Variants in CNOT2 observed in about 807,000 individuals in gnomAD.
The protein encoded by CNOT2 is CC chemokine receptor 4-negative regulator of transcription 2.
A neutral mutation model predicts 72.1 loss-of-function variants in CNOT2; 7 were observed. The observed-to-expected ratio is 0.10, with a 90% confidence interval of 0.06 to 0.18. The LOEUF is 0.18. Among genes scored for constraint, CNOT2 ranks in the 10% least tolerant of loss-of-function variants. CNOT2 has a pLI of 1.00. For synonymous variants in CNOT2, 196 were observed against 225.6 expected (o/e 0.87, Z 1.17); for missense variants, 345 against 660.3 (o/e 0.52, Z 5.23).
At chr12:70,245,429 T>C (rs1037065421) in intron 1 of CNOT2, among the ~76,000 whole-genome samples, 5 of 152,208 alleles carry the variant, frequency 3.3e-5, no homozygotes, top group African/African-American at 1.2e-4. Flanking sequence ...CTGAAGTTTT[T>C]TTTGCATCTT....
rs1883223660 is a variant in CNOT2, at chr12:70,354,217, G to A, written c.*302G>A. On this transcript the variant is annotated 3_prime_UTR_variant, in exon 16 of 16. Transcript: ENST00000229195. Reference sequence around the variant, plus strand: ...GTCTGTAAAGACAAGCAAATACACTGACAGAAGTTTACCATAGTTTCTAAA... The same window carrying A: ...GTCTGTAAAGACAAGCAAATACACTAACAGAAGTTTACCATAGTTTCTAAA... 1 of 337,524 alleles carries A rather than the reference G, an allele frequency of 3.0e-6. No individual in the cohort carries two copies. Among genetic ancestry groups the A allele is most frequent in the Non-Finnish European group, 5.2e-6 (1 of 193,826 alleles). The allele number at this position is 337,524 out of a possible 1,614,324, so 20.9% of individuals were successfully genotyped here. A position where few individuals can be genotyped will look rare whatever the true frequency, so the allele number is the denominator to read the frequency against.
chr12:70,250,676 A>C (rs182607911), intron 1 of CNOT2, among the ~76,000 whole-genome samples: 69 of 152,296 alleles, frequency 4.5e-4, no homozygotes, highest in Non-Finnish European at 7.4e-5. Context: ...TGGAGGTATC[A>C]GTTGAGCAGA....
At chr12:70,261,834 A>ATTTT (rs768517174) in intron 1 of CNOT2, among the ~76,000 whole-genome samples, 7 of 139,186 alleles carry the variant, frequency 5.0e-5, no homozygotes, top group African/African-American at 1.8e-4. Context: ...TGGGCCTGAG[A>ATTTT]TTTTTTTTTT....
intron 1 of CNOT2, among the ~76,000 whole-genome samples, chr12:70,265,553 A>G (rs1448052721): frequency 1.3e-5 from 2 of 151,962 alleles, no homozygotes; most frequent in Non-Finnish European, 2.9e-5. Context: ...AGTCTGCCTT[A>G]GAGGTACATC....
At chr12:70,270,091 A>G (rs1959185784) in intron 1 of CNOT2, among the ~76,000 whole-genome samples, 2 of 152,154 alleles carry the variant, frequency 1.3e-5, no homozygotes, top group Admixed American at 1.3e-4. Context: ...AGGGCTCAGT[A>G]TTTTTGGAAG....
chr12:70,267,322 A>G (rs745497083), intron 1 of CNOT2, among the ~76,000 whole-genome samples: 1 of 152,136 alleles, frequency 6.6e-6, no homozygotes, highest in Non-Finnish European at 1.5e-5. Flanking sequence ...GTTGCCAGCA[A>G]TCGTGTTCCT....
At chr12:70,274,912 C>CAAA (rs1256578669) in intron 1 of CNOT2, among the ~76,000 whole-genome samples, 3 of 151,920 alleles carry the variant, frequency 2.0e-5, no homozygotes, top group South Asian at 4.1e-4. Context: ...CTCTGTTTAT[C>CAAA]CATTCACCTA....
chr12:70,292,687 G>A (rs1872129342), intron 2 of CNOT2, among the ~76,000 whole-genome samples: 1 of 152,186 alleles, frequency 6.6e-6, no homozygotes, highest in Non-Finnish European at 1.5e-5. Context: ...TGGTAATGGT[G>A]CAGGAGTCCA....
At chr12:70,260,927 T>C (rs1346920062) in intron 1 of CNOT2, among the ~76,000 whole-genome samples, 6 of 152,056 alleles carry the variant, frequency 3.9e-5, no homozygotes, top group African/African-American at 1.4e-4. Context: ...CAATTCTGTT[T>C]AGTGGACAAC....
chr12:70,349,927 G>A (rs1021837061), intron 15 of CNOT2, among the ~76,000 whole-genome samples: 1 of 152,090 alleles, frequency 6.6e-6, no homozygotes, highest in African/African-American at 2.4e-5. Flanking sequence ...AGGATTGCTT[G>A]AGCCCAGGAG....
chr12:70,300,249 T>G (rs1010531678), intron 2 of CNOT2, among the ~76,000 whole-genome samples: 3 of 152,174 alleles, frequency 2.0e-5, no homozygotes, highest in African/African-American at 7.2e-5. Context: ...CAATTTTGGC[T>G]TTTGTTGCCA....
intron 2 of CNOT2, among the ~76,000 whole-genome samples, chr12:70,303,739 A>G (rs559205471): frequency 4.6e-5 from 7 of 152,178 alleles, no homozygotes; most frequent in Admixed American, 1.3e-4. Context: ...AGTCCTCTCT[A>G]TTTCCTGAAT....
intron 1 of CNOT2, among the ~76,000 whole-genome samples, chr12:70,248,362 ATTTCT>A (rs1349204738): frequency 2.0e-5 from 3 of 152,120 alleles, no homozygotes; most frequent in African/African-American, 7.2e-5. Flanking sequence ...AAAGTTGATC[ATTTCT>A]TTTGTTTTGT....
At chr12:70,251,248 C>A (rs1053156717) in intron 1 of CNOT2, among the ~76,000 whole-genome samples, 1 of 152,040 alleles carries the variant, frequency 6.6e-6, no homozygotes, top group Non-Finnish European at 1.5e-5. Flanking sequence ...TAGAAACATC[C>A]TAGAGTAGAG....
At chr12:70,261,460 G>A (rs139324499) in intron 1 of CNOT2, among the ~76,000 whole-genome samples, 21,693 of 150,904 alleles carry the variant, frequency 0.14, 1,899 homozygotes, top group Admixed American at 0.28. Flanking sequence ...GACTACAGGC[G>A]CCTGCCACCA....
At chr12:70,262,687 T>G (rs1465606183) in intron 1 of CNOT2, among the ~76,000 whole-genome samples, 1 of 152,062 alleles carries the variant, frequency 6.6e-6, no homozygotes, top group Non-Finnish European at 1.5e-5. Flanking sequence ...TTATTTGTGT[T>G]TTTTGCGATG....
rs958097848 is a variant in CNOT2, at chr12:70,270,076, A to G, written c.-95-8056A>G. Among the ~76,000 whole-genome samples the G allele has an allele frequency of 2.6e-5, 4 of 152,202 alleles. 1 individual carries two copies. Among genetic ancestry groups the G allele is most frequent in the Non-Finnish European group, 2.9e-5 (2 of 68,006 alleles). On this transcript the variant is annotated intron_variant, in intron 1 of 15. Coordinates refer to ENST00000229195, the MANE Select transcript of CNOT2 (RefSeq NM_014515.7). ...CAGAGTTTTATTTACTACCTGGCAT[A>G]TAGTAGGGCTCAGTATTTTTGGAAG...
chr12:70,354,050 T>G lies in CNOT2; in HGVS notation c.*135T>G. ...ATTCCTTGAGGATCTGGCAATTGGCTTACGCAAAAGGTCACCATTTGAGGT... is the reference window on the plus strand; with the variant it reads ...ATTCCTTGAGGATCTGGCAATTGGCGTACGCAAAAGGTCACCATTTGAGGT... On this transcript the variant is annotated 3_prime_UTR_variant, in exon 16 of 16. Coordinates refer to ENST00000229195, the MANE Select transcript of CNOT2 (RefSeq NM_014515.7). 1 of 1,405,302 alleles carries G rather than the reference T, an allele frequency of 7.1e-7. No individual in the cohort carries two copies. Among genetic ancestry groups the G allele is most frequent in the East Asian group, 2.6e-5 (1 of 39,188 alleles). The allele number at this position is 1,405,302 out of a possible 1,614,324, so 87.1% of individuals were successfully genotyped here. A position where few individuals can be genotyped will look rare whatever the true frequency, so the allele number is the denominator to read the frequency against.
At chr12:70,340,186 A>G (rs1289348325) in intron 11 of CNOT2, among the ~76,000 whole-genome samples, 1 of 152,178 alleles carries the variant, frequency 6.6e-6, no homozygotes, top group Non-Finnish European at 1.5e-5. Flanking sequence ...AGCTGCTTTT[A>G]TCAAGGTCAC....
Sources: gnomAD v4.1 joint callset for allele counts (sites outside exome capture counted in the v4.1 genomes callset) on GRCh38, gnomAD v4.1.1 for gene constraint, MANE v1.5 for transcripts, NCBI Gene and HGNC (gene_info 2026-07-23, HGNC 2026-07-21) for gene names.